Variants in CSMD1 observed in about 807,000 individuals in gnomAD.
CSMD1 encodes CUB and sushi domain-containing protein 1.
CSMD1 carries 213 observed loss-of-function variants against 417.5 expected under a neutral mutation model. That is an observed-to-expected ratio of 0.51 (90% CI 0.46 to 0.57). CSMD1 has a LOEUF of 0.57. CSMD1 is among the 20% of genes least tolerant of loss of function. CSMD1 has a pLI of 0.00. For missense variants in CSMD1, 6,923 were observed against 4,529.7 expected (o/e 1.53, Z -15.17); for synonymous variants, 2,862 against 1,736.8 (o/e 1.65, Z -16.11).
chr8:4,806,150 G>A (rs1798573435), intron 1 of CSMD1, among the ~76,000 whole-genome samples: 1 of 152,172 alleles, frequency 6.6e-6, no homozygotes, highest in African/African-American at 2.4e-5. Context: ...TCTCTAGGAA[G>A]TGATAACTCA....
intron 5 of CSMD1, among the ~76,000 whole-genome samples, chr8:3,995,846 G>C (rs940962691): frequency 6.6e-6 from 1 of 152,162 alleles, no homozygotes; most frequent in Non-Finnish European, 1.5e-5. Flanking sequence ...GAGTTTATTA[G>C]ACATGAAGGC....
chr8:4,875,817 AG>A lies in CSMD1; in HGVS notation c.85+118514del, dbSNP rs775096364. On this transcript the variant is annotated intron_variant, in intron 1 of 69. Transcript: ENST00000635120. The stretch of plus-strand genomic sequence containing the variant: ...GGTTTGTATATAAAAATGAACACAC[AG>A]AGACAGACACACACACACACACACA... 1.7e-3 allele frequency among the ~76,000 whole-genome samples: 260 copies of A among 152,178 alleles called. 1 individual carries two copies. Among genetic ancestry groups the A allele is most frequent in the Non-Finnish European group, 2.7e-3 (183 of 67,994 alleles).
Position 3,369,329 on chromosome 8 carries a change from G to C in CSMD1, c.2824C>G (p.Leu942Val), listed in dbSNP as rs375624007. 6 of 1,605,178 alleles carry C rather than the reference G, an allele frequency of 3.7e-6. No individual in the cohort carries two copies. The African/African-American group carries it at 4.0e-5, about 11-fold the overall frequency. ...GYIQGKSGTVLSPGFPDFYPN... is the reference protein window; with the variant it reads ...GYIQGKSGTVVSPGFPDFYPN... ...TAAAAATCTGGAAACCCAGGAGAAA[G>C]GACTGTTCCACTCTTCCCTTGGATG... Residue 942 changes from leucine (L) to valine (V), a missense_variant, in exon 19 of 70, where the codon CTT becomes GTT. Leu to Val is a conservative substitution (Grantham distance 32). Coordinates refer to ENST00000635120, the MANE Select transcript of CSMD1 (RefSeq NM_033225.6).
At position 4,525,996 on chromosome 8, in the gene CSMD1, G is replaced by C. The variant is rs981421182; in HGVS notation, c.303-105931C>G. On this transcript the variant is annotated intron_variant, in intron 2 of 69. Coordinates refer to ENST00000635120, the MANE Select transcript of CSMD1 (RefSeq NM_033225.6). ...CTTTGCCCGTTGCTTCCAGAAAACAGTGGGGAGCTCTGTTTCAGCTCTAGA... is the reference window on the plus strand; with the variant it reads ...CTTTGCCCGTTGCTTCCAGAAAACACTGGGGAGCTCTGTTTCAGCTCTAGA... 6.6e-5 allele frequency among the ~76,000 whole-genome samples: 10 copies of C among 152,266 alleles called. No individual in the cohort carries two copies. The East Asian group carries it at 9.7e-4, about 15-fold the overall frequency.
At chr8:3,467,352 C>A (rs1405051773) in intron 12 of CSMD1, among the ~76,000 whole-genome samples, 1 of 152,158 alleles carries the variant, frequency 6.6e-6, no homozygotes, top group Non-Finnish European at 1.5e-5. Context: ...ATTTCAGATT[C>A]TACCAAAGGC....
intron 6 of CSMD1, among the ~76,000 whole-genome samples, chr8:3,715,641 C>T (rs1485292199): frequency 6.6e-6 from 1 of 152,158 alleles, no homozygotes; most frequent in Non-Finnish European, 1.5e-5. Context: ...CTCCCGGGTT[C>T]AAGTGATTCT....
intron 36 of CSMD1, chr8:3,182,841 G>GGGGTGTGTGTCTGTGTGTGT (rs768081848): frequency 8.7e-5 from 1 of 11,470 alleles, no homozygotes; most frequent in Non-Finnish European, 1.7e-4. Context: ...TTTATAAGAA[G>GGGGTGTGTGTCTGTGTGTGT]GTGTGTGTGT....
chr8:3,037,949 A>T (rs1246077529), intron 50 of CSMD1, among the ~76,000 whole-genome samples: 1 of 152,160 alleles, frequency 6.6e-6, no homozygotes, highest in Non-Finnish European at 1.5e-5. Flanking sequence ...ACTTTTCCTT[A>T]TTCCTGCCAC....
intron 6 of CSMD1, among the ~76,000 whole-genome samples, chr8:3,710,537 C>G (rs767006086): frequency 9.9e-5 from 15 of 152,110 alleles, no homozygotes; most frequent in Non-Finnish European, 1.8e-4. Context: ...TGGACAATTG[C>G]CCTTTGGGAC....
chr8:3,527,464 G>A (rs1381645339), intron 10 of CSMD1, among the ~76,000 whole-genome samples: 1 of 152,202 alleles, frequency 6.6e-6, no homozygotes, highest in African/African-American at 2.4e-5. Flanking sequence ...GTGGGCGAGG[G>A]TGGGATGTCA....
At chr8:4,026,748 G>C (rs753760944) in intron 4 of CSMD1, among the ~76,000 whole-genome samples, 3 of 152,192 alleles carry the variant, frequency 2.0e-5, no homozygotes, top group East Asian at 1.9e-4. Context: ...ACTGTAATAA[G>C]GGGTTGTAAT....
chr8:4,541,962 C>T (rs188702861), intron 2 of CSMD1, among the ~76,000 whole-genome samples: 41 of 152,116 alleles, frequency 2.7e-4, no homozygotes, highest in Non-Finnish European at 4.1e-4. Flanking sequence ...CCAGATGAGG[C>T]CTGACTGACC....
intron 8 of CSMD1, among the ~76,000 whole-genome samples, chr8:3,611,853 G>A (rs1801909944): frequency 1.3e-5 from 2 of 151,992 alleles, no homozygotes; most frequent in Non-Finnish European, 2.9e-5. Context: ...ATTTAGGACA[G>A]AAGTTCAGCC....
At chr8:3,459,936 A>C (rs7000255) in intron 12 of CSMD1, among the ~76,000 whole-genome samples, 2,036 of 152,318 alleles carry the variant, frequency 0.013, 51 homozygotes, top group African/African-American at 0.047. Context: ...ATAATGCTAC[A>C]AAAATCTAAA....
intron 3 of CSMD1, among the ~76,000 whole-genome samples, chr8:4,082,093 T>C (rs1482388598): frequency 6.6e-6 from 1 of 152,058 alleles, no homozygotes; most frequent in African/African-American, 2.4e-5. Flanking sequence ...CTGAGACTTA[T>C]CAAGAAAAAG....
In CSMD1 at chr8:3,862,026, G is replaced by A. The variant is rs140955228; in HGVS notation, c.819-107984C>T. On this transcript the variant is annotated intron_variant, in intron 5 of 69. Coordinates refer to ENST00000635120, the MANE Select transcript of CSMD1 (RefSeq NM_033225.6). ...TCTAAAACCAACACAATCATTCCAT[G>A]CCCCAACCATTGCTTGCTAAATCAA... 4.8e-3 allele frequency among the ~76,000 whole-genome samples: 733 copies of A among 152,166 alleles called. 3 individuals carry two copies. Among genetic ancestry groups the A allele is most frequent in the African/African-American group, 0.016 (648 of 41,530 alleles).
chr8:4,039,875 A>C lies in CSMD1; in HGVS notation c.416-7776T>G, dbSNP rs997669720. ...AGAAAGTGATTTTGTAATGTTGGAC[A>C]AATTACTTAGATCTTAGTTTCTACA... On this transcript the variant is annotated intron_variant, in intron 3 of 69. Transcript: ENST00000635120. 4.6e-5 allele frequency among the ~76,000 whole-genome samples: 7 copies of C among 152,346 alleles called. No individual in the cohort carries two copies. The East Asian group carries it at 1.4e-3, about 29-fold the overall frequency.
chr8:3,604,471 C>G (rs9644345), intron 8 of CSMD1, among the ~76,000 whole-genome samples: 1 of 151,846 alleles, frequency 6.6e-6, no homozygotes. Flanking sequence ...ATGGAAAACA[C>G]GAGAAGGATC....
intron 3 of CSMD1, among the ~76,000 whole-genome samples, chr8:4,361,440 T>TTTTA (rs1801754383): frequency 6.6e-6 from 1 of 151,606 alleles, no homozygotes; most frequent in South Asian, 2.1e-4. Flanking sequence ...AACTAACTCA[T>TTTTA]TTTATCTTCA....
Sources: allele counts gnomAD v4.1 joint callset (sites outside exome capture counted in the v4.1 genomes callset), GRCh38; gene constraint gnomAD v4.1.1; transcripts MANE v1.5; gene names NCBI Gene and HGNC (gene_info 2026-07-23, HGNC 2026-07-21).